Variants in ABTB3 observed in about 807,000 individuals in gnomAD.
ABTB3 encodes ankyrin repeat and BTB domain containing 3.
the ABTB3 span, among the ~76,000 whole-genome samples, chr12:107,560,498 G>C: frequency 1.7e-3 from 260 of 152,236 alleles, 1 homozygote; most frequent in South Asian, 7.5e-3. Flanking sequence ...AAGCTTTCTA[G>C]AGCAACAGTA....
chr12:107,556,126 G>A, the ABTB3 span, among the ~76,000 whole-genome samples: 9 of 146,948 alleles, frequency 6.1e-5, no homozygotes, highest in South Asian at 2.1e-4. Context: ...GCAGAGTTTC[G>A]CTCTTGTTGC....
At chr12:107,354,795 C>T in the ABTB3 span, among the ~76,000 whole-genome samples, 15 of 152,150 alleles carry the variant, frequency 9.9e-5, no homozygotes, top group African/African-American at 2.4e-4. Flanking sequence ...TAGCCATCCT[C>T]GTGGGTGTGA....
At chr12:107,554,962 G>A in the ABTB3 span, among the ~76,000 whole-genome samples, 1 of 152,176 alleles carries the variant, frequency 6.6e-6, no homozygotes, top group Non-Finnish European at 1.5e-5. Context: ...TTTGGGGGCT[G>A]GAGTGAGCCT....
At chr12:107,579,380 T>G in the ABTB3 span, among the ~76,000 whole-genome samples, 2 of 152,290 alleles carry the variant, frequency 1.3e-5, no homozygotes, top group East Asian at 3.9e-4. Context: ...TCAAGTAACT[T>G]GGGTCTGACT....
the ABTB3 span, among the ~76,000 whole-genome samples, chr12:107,351,389 C>T: frequency 6.6e-6 from 1 of 152,160 alleles, no homozygotes. Context: ...GGGAGTGTCC[C>T]CATTGGCTAC....
chr12:107,423,100 G>C, the ABTB3 span, among the ~76,000 whole-genome samples: 1 of 152,204 alleles, frequency 6.6e-6, no homozygotes, highest in Non-Finnish European at 1.5e-5. Context: ...CTGGAATCGG[G>C]AGTGGTGGCA....
At chr12:107,563,215 C>G in the ABTB3 span, among the ~76,000 whole-genome samples, 1 of 152,174 alleles carries the variant, frequency 6.6e-6, no homozygotes, top group African/African-American at 2.4e-5. Flanking sequence ...ATAAACCATT[C>G]CAGCGAACCA....
the ABTB3 span, among the ~76,000 whole-genome samples, chr12:107,346,960 A>G: frequency 6.6e-6 from 1 of 152,116 alleles, no homozygotes; most frequent in African/African-American, 2.4e-5. Context: ...TTTTTATGTG[A>G]TGTTTTTACA....
At chr12:107,492,907 T>C in the ABTB3 span, among the ~76,000 whole-genome samples, 1 of 152,052 alleles carries the variant, frequency 6.6e-6, no homozygotes. Context: ...CTTCTGGTGC[T>C]GGGTGAGCTG....
chr12:107,476,093 A>G, the ABTB3 span, among the ~76,000 whole-genome samples: 6 of 152,184 alleles, frequency 3.9e-5, no homozygotes, highest in Non-Finnish European at 7.3e-5. Flanking sequence ...TTGCAGCTTG[A>G]AACCACCACT....
At chr12:107,433,162 C>T in the ABTB3 span, among the ~76,000 whole-genome samples, 3 of 150,968 alleles carry the variant, frequency 2.0e-5, no homozygotes, top group Non-Finnish European at 3.0e-5. Context: ...CGGTGGCGGG[C>T]GCCTGTAGTC....
At chr12:107,421,743 G>A in the ABTB3 span, among the ~76,000 whole-genome samples, 1 of 152,304 alleles carries the variant, frequency 6.6e-6, no homozygotes, top group Non-Finnish European at 1.5e-5. Context: ...TTCCACTTCG[G>A]CCTAGAGGTG....
At chr12:107,643,394 C>A in the ABTB3 span, among the ~76,000 whole-genome samples, 3 of 120,302 alleles carry the variant, frequency 2.5e-5, no homozygotes, top group African/African-American at 9.9e-5. Flanking sequence ...CAGAACAAGA[C>A]CCTATCTCAA....
the ABTB3 span, chr12:107,651,634 C>T: frequency 1.4e-6 from 2 of 1,462,796 alleles, no homozygotes; most frequent in African/African-American, 2.8e-5. Context: ...CCTTTCCATC[C>T]ACCTCCCAGC....
At chr12:107,545,623 C>T in the ABTB3 span, among the ~76,000 whole-genome samples, 45 of 152,140 alleles carry the variant, frequency 3.0e-4, no homozygotes, top group African/African-American at 7.7e-4. Context: ...AGGAAATTAA[C>T]TCATTAAATT....
At chr12:107,320,685 T>C in the ABTB3 span, 1 of 455,974 alleles carries the variant, frequency 2.2e-6, no homozygotes, top group East Asian at 6.9e-5. Flanking sequence ...TGCCAAGTTT[T>C]TCCAGAGCAG....
the ABTB3 span, among the ~76,000 whole-genome samples, chr12:107,362,965 C>T: frequency 4.5e-4 from 69 of 152,106 alleles, no homozygotes; most frequent in African/African-American, 1.5e-3. Flanking sequence ...CTAGCTAGTA[C>T]GTAGAGGACC....
the ABTB3 span, among the ~76,000 whole-genome samples, chr12:107,369,722 T>G: frequency 2.0e-5 from 3 of 147,806 alleles, no homozygotes; most frequent in African/African-American, 5.0e-5. Flanking sequence ...TTTTTTTTTT[T>G]TTTTTTTTTT....
the ABTB3 span, among the ~76,000 whole-genome samples, chr12:107,569,044 G>A: frequency 6.6e-6 from 1 of 152,224 alleles, no homozygotes; most frequent in South Asian, 2.1e-4. Flanking sequence ...GCAGGGTGAT[G>A]TGAGTCCAAG....
Sources: gnomAD v4.1 joint callset for allele counts (sites outside exome capture counted in the v4.1 genomes callset) on GRCh38, gnomAD v4.1.1 for gene constraint, MANE v1.5 for transcripts, NCBI Gene and HGNC (gene_info 2026-07-23, HGNC 2026-07-21) for gene names.